Variants in CAMK1D observed in about 807,000 individuals in gnomAD.
CAMK1D encodes calcium/calmodulin dependent protein kinase ID, also known as calcium/calmodulin-dependent protein kinase type 1D.
A neutral mutation model predicts 47.7 loss-of-function variants in CAMK1D; 9 were observed. The observed-to-expected ratio is 0.19, with a 90% confidence interval of 0.11 to 0.33. The LOEUF is 0.33. Ranked by LOEUF, CAMK1D falls within the 10% of genes least tolerant of loss-of-function variation. The pLI is 1.00. For missense variants in CAMK1D, 291 were observed against 488.7 expected (o/e 0.60, Z 3.81); for synonymous variants, 184 against 184.9 (o/e 0.99, Z 0.04).
chr10:12,475,539 C>T (rs1692970242), intron 1 of CAMK1D, among the ~76,000 whole-genome samples: 1 of 152,156 alleles, frequency 6.6e-6, no homozygotes, highest in Admixed American at 6.6e-5. Context: ...CCATGGGTAC[C>T]CGGGTTGCTT....
At chr10:12,766,085 C>T (rs1236900378) in intron 4 of CAMK1D, among the ~76,000 whole-genome samples, 2 of 151,500 alleles carry the variant, frequency 1.3e-5, no homozygotes, top group African/African-American at 4.9e-5. Context: ...CCTGCCTCAG[C>T]CTCCCTAGTA....
intron 1 of CAMK1D, among the ~76,000 whole-genome samples, chr10:12,386,371 A>AGGTTGC (rs1838495186): frequency 6.6e-6 from 1 of 151,866 alleles, no homozygotes; most frequent in Non-Finnish European, 1.5e-5. Flanking sequence ...CCAGAGGTGG[A>AGGTTGC]GGTTGCAGTG....
At chr10:12,627,621 C>T (rs1469809795) in intron 2 of CAMK1D, among the ~76,000 whole-genome samples, 1 of 152,128 alleles carries the variant, frequency 6.6e-6, no homozygotes, top group Non-Finnish European at 1.5e-5. Context: ...TTCTAGACTT[C>T]ATGTAAATGG....
intron 3 of CAMK1D, among the ~76,000 whole-genome samples, chr10:12,704,299 C>T (rs1833646817): frequency 6.6e-6 from 1 of 152,176 alleles, no homozygotes; most frequent in Non-Finnish European, 1.5e-5. Context: ...TAATTACAGT[C>T]AGCAGGCTGC....
chr10:12,658,103 G>A (rs1447340804), intron 2 of CAMK1D, among the ~76,000 whole-genome samples: 1 of 151,986 alleles, frequency 6.6e-6, no homozygotes, highest in Non-Finnish European at 1.5e-5. Context: ...AGCCGAGATC[G>A]TGCCACTGCA....
Position 12,467,112 on chromosome 10 carries a change from G to A in CAMK1D, c.93-86113G>A, listed in dbSNP as rs187381233. Reference sequence around the variant, plus strand: ...ATGGGTAGATGCTGCCATGTGGAACGTGTAATAAATATTGTGACTCGGCAA... The same window carrying A: ...ATGGGTAGATGCTGCCATGTGGAACATGTAATAAATATTGTGACTCGGCAA... On this transcript the variant is annotated intron_variant, in intron 1 of 10. Transcript: ENST00000619168. Among the ~76,000 whole-genome samples, 336 of 152,196 alleles carry A rather than the reference G, an allele frequency of 2.2e-3. 2 individuals carry two copies. Among genetic ancestry groups the A allele is most frequent in the Non-Finnish European group, 4.1e-3 (282 of 68,002 alleles).
At chr10:12,782,368 T>G (rs751054023) in intron 5 of CAMK1D, among the ~76,000 whole-genome samples, 3 of 152,194 alleles carry the variant, frequency 2.0e-5, no homozygotes, top group Non-Finnish European at 4.4e-5. Context: ...CAGTATCACC[T>G]CCTTGTCTTG....
rs1839387287 is a variant in CAMK1D, at chr10:12,631,814, A to G, written c.225-34922A>G. Among the ~76,000 whole-genome samples the G allele has an allele frequency of 2.0e-5, 3 of 152,154 alleles. No individual in the cohort carries two copies. The South Asian group carries it at 6.2e-4, about 32-fold the overall frequency. ...ACAATTCTGATCGTGTAAGTGCTCC[A>G]GGCAAATAAAGTGATATGACAGGAT... On this transcript the variant is annotated intron_variant, in intron 2 of 10. Coordinates refer to ENST00000619168, the MANE Select transcript of CAMK1D (RefSeq NM_153498.4).
At chr10:12,754,313 G>A (rs376240678) in intron 3 of CAMK1D, among the ~76,000 whole-genome samples, 1 of 152,140 alleles carries the variant, frequency 6.6e-6, no homozygotes, top group East Asian at 1.9e-4. Context: ...CACCCTCAAA[G>A]CCATTCACAC....
At chr10:12,735,185 C>G (rs7092937) in intron 3 of CAMK1D, among the ~76,000 whole-genome samples, 143,261 of 152,338 alleles carry the variant, frequency 0.94, 67,947 homozygotes, top group Non-Finnish European at 1. Flanking sequence ...GTTTAAGAAA[C>G]GAAAGTGTCG....
At chr10:12,660,442 C>T (rs765859512) in intron 2 of CAMK1D, among the ~76,000 whole-genome samples, 3 of 152,120 alleles carry the variant, frequency 2.0e-5, no homozygotes, top group African/African-American at 2.4e-5. Context: ...GGCTTTGTAA[C>T]GGGGCCTGTT....
At position 12,835,052 on chromosome 10, in the gene CAMK1D, G is replaced by C. The variant is rs1448025431; in HGVS notation, c.*6165G>C. 6.6e-6 allele frequency: 1 copy of C among 152,232 alleles called. No individual in the cohort carries two copies. The allele number at this position is 152,232 out of a possible 1,614,324, so 9.4% of individuals were successfully genotyped here. ...CGACATTGCATGCAGCAGAGTCTTT[G>C]CTTCGAAAGATGGGGCGCCATGTTT... On this transcript the variant is annotated 3_prime_UTR_variant, in exon 11 of 11. Transcript: ENST00000619168.
chr10:12,792,193 G>C (rs1313137984), intron 6 of CAMK1D, among the ~76,000 whole-genome samples: 1 of 152,130 alleles, frequency 6.6e-6, no homozygotes, highest in Non-Finnish European at 1.5e-5. Flanking sequence ...TTCGCCTTTA[G>C]ATTTCTCATT....
At chr10:12,676,484 G>A (rs1459217839) in intron 3 of CAMK1D, among the ~76,000 whole-genome samples, 1 of 152,210 alleles carries the variant, frequency 6.6e-6, no homozygotes, top group East Asian at 1.9e-4. Flanking sequence ...TGCTGGAACA[G>A]TGCTTTCACG....
intron 3 of CAMK1D, among the ~76,000 whole-genome samples, chr10:12,686,160 T>C (rs1055179933): frequency 6.6e-6 from 1 of 152,186 alleles, no homozygotes; most frequent in Non-Finnish European, 1.5e-5. Context: ...AAGTTAACAT[T>C]GTTCACACAT....
At chr10:12,417,420 G>C (rs2801483) in intron 1 of CAMK1D, among the ~76,000 whole-genome samples, 97,969 of 152,068 alleles carry the variant, frequency 0.64, 31,592 homozygotes, top group South Asian at 0.69. Flanking sequence ...AAACAGGTTC[G>C]AGAGAAAGAA....
chr10:12,503,778 G>T (rs1473392980), intron 1 of CAMK1D, among the ~76,000 whole-genome samples: 1 of 152,192 alleles, frequency 6.6e-6, no homozygotes, highest in South Asian at 2.1e-4. Context: ...GCTCCTGCAG[G>T]ATAGTGTATA....
chr10:12,792,777 A>G (rs961185028), intron 6 of CAMK1D, among the ~76,000 whole-genome samples: 6 of 152,258 alleles, frequency 3.9e-5, no homozygotes, highest in African/African-American at 1.4e-4. Flanking sequence ...GTTTATGGAA[A>G]TTGGTAAAGG....
At chr10:12,484,256 G>A (rs1191493180) in intron 1 of CAMK1D, among the ~76,000 whole-genome samples, 2 of 152,134 alleles carry the variant, frequency 1.3e-5, no homozygotes, top group African/African-American at 2.4e-5. Flanking sequence ...CCCTGCTTCC[G>A]GCCCCGCCTG....
Sources: gnomAD v4.1 joint callset for allele counts (sites outside exome capture counted in the v4.1 genomes callset) on GRCh38, gnomAD v4.1.1 for gene constraint, MANE v1.5 for transcripts, NCBI Gene and HGNC (gene_info 2026-07-23, HGNC 2026-07-21) for gene names.